Variants in TMPRSS7 observed in about 807,000 individuals in gnomAD.
The protein encoded by TMPRSS7 is transmembrane protease serine 7.
A neutral mutation model predicts 95.6 loss-of-function variants in TMPRSS7; 81 were observed. That is an observed-to-expected ratio of 0.85 (90% CI 0.71 to 1.02). The LOEUF (loss-of-function observed/expected upper bound fraction) is 1.02, where lower values mean the gene tolerates loss of function less well. Among genes scored for constraint, TMPRSS7 ranks in the 50% least tolerant of loss-of-function variants. TMPRSS7 has a pLI of 0.00. For synonymous variants in TMPRSS7, 364 were observed against 337.8 expected (o/e 1.08, Z -0.85); for missense variants, 945 against 955.2 (o/e 0.99, Z 0.14).
At chr3:112,061,583 C>T (rs760491819) in intron 10 of TMPRSS7, among the ~76,000 whole-genome samples, 30 of 152,160 alleles carry the variant, frequency 2.0e-4, no homozygotes, top group Non-Finnish European at 3.8e-4. Flanking sequence ...ATTATTGTTC[C>T]ATTAAGCAGA....
chr3:112,061,710 T>G, intron 10 of TMPRSS7, 77 bp from the exon 11 acceptor site: 1 of 1,486,654 alleles, frequency 6.7e-7, no homozygotes, highest in Non-Finnish European at 9.1e-7. Context: ...ACCAAAGTAT[T>G]AGAGAATTCA....
chr3:112,067,917 C>G (rs1192942258), intron 13 of TMPRSS7, among the ~76,000 whole-genome samples: 1 of 152,120 alleles, frequency 6.6e-6, no homozygotes, highest in African/African-American at 2.4e-5. Flanking sequence ...TGCCTATGTC[C>G]TGAATGGTAA....
intron 14 of TMPRSS7, among the ~76,000 whole-genome samples, chr3:112,074,739 T>TTAA (rs59165418): frequency 0.03 from 4,551 of 152,270 alleles, 191 homozygotes; most frequent in African/African-American, 0.088. Context: ...GGATGACCTG[T>TTAA]TAATGCCTTA....
intron 11 of TMPRSS7, among the ~76,000 whole-genome samples, chr3:112,062,556 A>G (rs969202879): frequency 1.3e-5 from 2 of 152,218 alleles, no homozygotes; most frequent in Non-Finnish European, 2.9e-5. Flanking sequence ...TGAAGAGTCC[A>G]CAGGGATATG....
In TMPRSS7 at chr3:112,050,320, G is replaced by A. The variant is rs1200205569; in HGVS notation, c.1090+346G>A. 3.9e-5 allele frequency among the ~76,000 whole-genome samples: 6 copies of A among 152,182 alleles called. No individual in the cohort carries two copies. In the South Asian group the frequency reaches 1.2e-3, roughly 32 times the overall value. ...ATTACAGTTTAGAGCTTAGAGGAGG[G>A]AATATGAGAGATGGAACTCAGGCCT... On this transcript the variant is annotated intron_variant, in intron 8 of 17. Transcript: ENST00000452346.
At chr3:112,036,341 G>C (rs2073149763) in intron 1 of TMPRSS7, among the ~76,000 whole-genome samples, 1 of 152,176 alleles carries the variant, frequency 6.6e-6, no homozygotes, top group South Asian at 2.1e-4. Flanking sequence ...GGCCAAGGTG[G>C]GTGGATCACC....
intron 2 of TMPRSS7, among the ~76,000 whole-genome samples, chr3:112,039,186 C>A (rs905599659): frequency 5.9e-5 from 9 of 152,252 alleles, no homozygotes; most frequent in African/African-American, 2.2e-4. Context: ...GCAAGTATAG[C>A]CTTTGTTGAC....
In TMPRSS7 at chr3:112,080,568, C is replaced by T. The variant is rs111613476; in HGVS notation, c.2362-346C>T. On this transcript the variant is annotated intron_variant, in intron 17 of 17. Coordinates refer to ENST00000452346, the Ensembl canonical transcript of TMPRSS7. ...ACTACCACCACTACTACTACTACTACTATTACCACCACCACCACCACCATC... is the reference window on the plus strand; with the variant it reads ...ACTACCACCACTACTACTACTACTATTATTACCACCACCACCACCACCATC... Among the ~76,000 whole-genome samples, 57 of 62,468 alleles carry T rather than the reference C, an allele frequency of 9.1e-4. 1 individual carries two copies. Among genetic ancestry groups the T allele is most frequent in the Admixed American group, 3.0e-3 (14 of 4,698 alleles). 41.0% of individuals were successfully genotyped at this position (62,468 alleles called of 152,430 possible). A position where few individuals can be genotyped will look rare whatever the true frequency, so the allele number is the denominator to read the frequency against.
rs756190603 is a variant in TMPRSS7, at chr3:112,066,429, G to A, written c.1593G>A (p.Arg531=). 4.3e-6 allele frequency: 7 copies of A among 1,613,978 alleles called. No individual in the cohort carries two copies. The South Asian group carries it at 5.5e-5, about 13-fold the overall frequency. ...CTGCCTGCAATACCAGCTCCTTCAGGCAGCATGGCCCTCTCATCTGTGATG... is the reference window on the plus strand; with the variant it reads ...CTGCCTGCAATACCAGCTCCTTCAGACAGCATGGCCCTCTCATCTGTGATG... Residue 531 remains arginine (R), a synonymous_variant, in exon 13 of 18, where the codon AGG becomes AGA. Coordinates refer to ENST00000452346, the Ensembl canonical transcript of TMPRSS7.
intron 13 of TMPRSS7, among the ~76,000 whole-genome samples, chr3:112,071,178 A>G (rs1254621177): frequency 6.6e-6 from 1 of 152,170 alleles, no homozygotes; most frequent in Non-Finnish European, 1.5e-5. Flanking sequence ...TTGTCTGTAA[A>G]GGATTTTATT....
chr3:112,047,727 CT>C lies in TMPRSS7; in HGVS notation c.731-11del. ...AAAAAGAAAATAAAGGAAAATGGTG[CT>C]GTCTCCACAGACAAAGGCTGCTCTC... On this transcript the variant is annotated splice_polypyrimidine_tract_variant and intron_variant, in intron 6 of 17. Transcript: ENST00000452346. The C allele has an allele frequency of 3.8e-6, 6 of 1,563,178 alleles. No individual in the cohort carries two copies. Among genetic ancestry groups the C allele is most frequent in the Non-Finnish European group, 5.3e-6 (6 of 1,142,308 alleles).
intron 9 of TMPRSS7, among the ~76,000 whole-genome samples, chr3:112,053,860 G>A (rs765483870): frequency 6.6e-6 from 1 of 152,154 alleles, no homozygotes; most frequent in Non-Finnish European, 1.5e-5. Context: ...CAATCACTTA[G>A]CTGAACATTT....
rs550991148 is a variant in TMPRSS7, at chr3:112,051,216, AAC to A, written c.1203+435_1203+436del. ...CAATCACAGATCAAAACATTTTACA[AAC>A]AGACACAATAAAATACAACAATAAA... On this transcript the variant is annotated intron_variant, in intron 9 of 17. Transcript: ENST00000452346. Among the ~76,000 whole-genome samples the A allele has an allele frequency of 4.3e-3, 659 of 152,306 alleles. 1 individual carries two copies. The highest frequency in any genetic ancestry group is 7.6e-3 in the Admixed American group (116 of 15,296).
Position 112,050,740 on chromosome 3 carries a change from C to T in TMPRSS7, c.1160C>T (p.Pro387Leu), listed in dbSNP as rs377583095. 1.5e-4 allele frequency: 244 copies of T among 1,603,664 alleles called. No homozygotes were observed. Among genetic ancestry groups the T allele is most frequent in the Non-Finnish European group, 1.9e-4 (226 of 1,175,948 alleles). The change falls in exon 9 of 18, where the codon CCG becomes CTG. Residue 387 changes from proline (P) to leucine (L), a missense_variant. Pro to Leu is a moderately conservative substitution (Grantham distance 98, BLOSUM62 -3). Transcript: ENST00000452346. ...GGGAAAATTTCAAGCCCATATTACC[C>T]GAGCTACTATCCTCCAAAATGCAAG...
At chr3:112,057,049 G>A (rs371375578) in exon 10 of TMPRSS7, 103 of 1,611,524 alleles carry the variant, frequency 6.4e-5, no homozygotes, top group Non-Finnish European at 8.1e-5. Context: ...TCTTGGCATA[G>A]CACTGAAATT....
intron 9 of TMPRSS7, among the ~76,000 whole-genome samples, chr3:112,052,087 G>C (rs571903683): frequency 6.6e-6 from 1 of 151,838 alleles, no homozygotes; most frequent in Admixed American, 6.6e-5. Context: ...AGTTAAATAC[G>C]CGTAATATGT....
At chr3:112,054,809 G>T (rs1453203038) in intron 9 of TMPRSS7, among the ~76,000 whole-genome samples, 2 of 119,432 alleles carry the variant, frequency 1.7e-5, no homozygotes, top group African/African-American at 3.1e-5. Flanking sequence ...GGCACATCTC[G>T]GCTCACTGCA....
intron 11 of TMPRSS7, among the ~76,000 whole-genome samples, 174 bp from the exon 12 acceptor site, chr3:112,063,351 C>T (rs914029683): frequency 1.3e-5 from 2 of 152,162 alleles, no homozygotes; most frequent in African/African-American, 2.4e-5. Flanking sequence ...TTCTGTGTTC[C>T]GCTTTTTTGT....
chr3:112,047,700 A>T (rs777194820), intron 6 of TMPRSS7, 39 bp from the exon 7 acceptor site: 1 of 1,470,024 alleles, frequency 6.8e-7, no homozygotes, highest in Non-Finnish European at 9.3e-7. Context: ...TCATTCCTAA[A>T]AAAAAAGAAA....
Sources: gnomAD v4.1 joint callset for allele counts (sites outside exome capture counted in the v4.1 genomes callset) on GRCh38, gnomAD v4.1.1 for gene constraint, MANE v1.5 for transcripts, NCBI Gene and HGNC (gene_info 2026-07-23, HGNC 2026-07-21) for gene names.